Variants in ATG10 observed in about 807,000 individuals in gnomAD.
The protein encoded by ATG10 is ubiquitin-like-conjugating enzyme ATG10.
A neutral mutation model predicts 32.1 loss-of-function variants in ATG10; 30 were observed. That is an observed-to-expected ratio of 0.94 (90% CI 0.70 to 1.27). The LOEUF (loss-of-function observed/expected upper bound fraction) is 1.27. ATG10 is among the 50% of genes most tolerant of loss of function. The pLI is 0.00. For missense variants in ATG10, 233 were observed against 262.3 expected, an observed-to-expected ratio of 0.89 and a Z score of 0.77; for synonymous variants, 87 against 91.5, an observed-to-expected ratio of 0.95 and a Z score of 0.28.
intron 4 of ATG10, among the ~76,000 whole-genome samples, chr5:82,171,996 A>G (rs1743825861): frequency 6.6e-6 from 1 of 152,198 alleles, no homozygotes; most frequent in Admixed American, 6.5e-5. Context: ...AAGGACCATA[A>G]GAGAGGTAAA....
intron 2 of ATG10, among the ~76,000 whole-genome samples, chr5:82,031,280 A>T (rs1235670830): frequency 6.6e-6 from 1 of 152,194 alleles, no homozygotes; most frequent in East Asian, 1.9e-4. Flanking sequence ...GTGTTGAATG[A>T]GCAGTGTTGA....
chr5:82,155,298 A>T (rs114994890), intron 3 of ATG10, among the ~76,000 whole-genome samples: 4,591 of 152,312 alleles, frequency 0.03, 101 homozygotes, highest in Middle Eastern at 0.051. Flanking sequence ...GACAGGAAAA[A>T]AATGGAAAGG....
intron 2 of ATG10, among the ~76,000 whole-genome samples, chr5:82,007,192 G>T (rs368083458): frequency 5.9e-5 from 9 of 152,168 alleles, no homozygotes; most frequent in South Asian, 4.2e-4. Context: ...TACAAATTTT[G>T]ATTTACAATT....
chr5:82,170,802 G>C (rs914880318), intron 4 of ATG10, among the ~76,000 whole-genome samples: 8 of 152,068 alleles, frequency 5.3e-5, no homozygotes, highest in Non-Finnish European at 1.2e-4. Flanking sequence ...AAAAAAAATA[G>C]CTAGGCATGG....
intron 3 of ATG10, among the ~76,000 whole-genome samples, chr5:82,085,867 C>A (rs1450877089): frequency 1.3e-5 from 2 of 151,962 alleles, no homozygotes; most frequent in African/African-American, 4.8e-5. Context: ...CCCTATTAGA[C>A]CCTCAAAATA....
chr5:82,127,857 A>T (rs574697674), intron 3 of ATG10, among the ~76,000 whole-genome samples: 1 of 152,108 alleles, frequency 6.6e-6, no homozygotes, highest in East Asian at 1.9e-4. Flanking sequence ...TGTCTTGTTG[A>T]TCTATCTAAT....
intron 2 of ATG10, among the ~76,000 whole-genome samples, chr5:82,057,635 T>G (rs1763646554): frequency 6.6e-6 from 1 of 152,208 alleles, no homozygotes; most frequent in Non-Finnish European, 1.5e-5. Flanking sequence ...TTTATTGGCA[T>G]GTATGTTTGT....
chr5:82,128,660 G>C (rs561852188), intron 3 of ATG10, among the ~76,000 whole-genome samples: 5 of 144,140 alleles, frequency 3.5e-5, no homozygotes, highest in African/African-American at 1.3e-4. Flanking sequence ...GAGATCCACT[G>C]TTGGGCTTCC....
intron 3 of ATG10, among the ~76,000 whole-genome samples, chr5:82,061,816 AC>A (rs1435014956): frequency 4.7e-5 from 5 of 107,252 alleles, no homozygotes; most frequent in African/African-American, 7.0e-5. Context: ...ATACACACAT[AC>A]CTTTTTTTTT....
chr5:82,004,834 G>A (rs1392523117), intron 2 of ATG10, among the ~76,000 whole-genome samples: 3 of 152,090 alleles, frequency 2.0e-5, no homozygotes, highest in South Asian at 2.1e-4. Context: ...TTGTTGACCC[G>A]TAACAAAGAG....
At position 82,069,026 on chromosome 5, in the gene ATG10, C is replaced by G. The variant is rs1431193261; in HGVS notation, c.216+10424C>G. ...GATCTCACAAAAGATTAAGTAGAAT[C>G]TAAAATTTGAGTTTTCAAAATTATT... On this transcript the variant is annotated intron_variant, in intron 3 of 7. Coordinates refer to ENST00000282185, the MANE Select transcript of ATG10 (RefSeq NM_031482.5). Among the ~76,000 whole-genome samples, 5 of 151,066 alleles carry G rather than the reference C, an allele frequency of 3.3e-5. No homozygotes were observed. In the South Asian group the frequency reaches 1.0e-3, roughly 31 times the overall value.
intron 5 of ATG10, among the ~76,000 whole-genome samples, chr5:82,244,004 T>C (rs1746915530): frequency 6.6e-6 from 1 of 152,086 alleles, no homozygotes; most frequent in Non-Finnish European, 1.5e-5. Context: ...AAGACACATA[T>C]GGTAGGGACT....
chr5:82,151,340 C>T (rs1241199369), intron 3 of ATG10, among the ~76,000 whole-genome samples: 1 of 152,216 alleles, frequency 6.6e-6, no homozygotes. Flanking sequence ...ACATGAGTCA[C>T]TGTGCCCAGC....
At chr5:82,176,349 T>G (rs557659118) in intron 4 of ATG10, among the ~76,000 whole-genome samples, 1 of 152,316 alleles carries the variant, frequency 6.6e-6, no homozygotes, top group East Asian at 1.9e-4. Context: ...CTGCATACTT[T>G]TGGCAGATAC....
intron 2 of ATG10, among the ~76,000 whole-genome samples, chr5:82,026,829 G>A (rs1762607054): frequency 6.6e-6 from 1 of 152,134 alleles, no homozygotes; most frequent in Non-Finnish European, 1.5e-5. Context: ...GGGAGGCCAA[G>A]GTGGGTGGAT....
intron 5 of ATG10, among the ~76,000 whole-genome samples, chr5:82,242,187 G>A (rs1425713846): frequency 6.6e-6 from 1 of 152,060 alleles, no homozygotes; most frequent in African/African-American, 2.4e-5. Context: ...ATAGGAAGAC[G>A]ACTATGGAAA....
At chr5:82,023,866 G>C (rs73768608) in intron 2 of ATG10, among the ~76,000 whole-genome samples, 9,946 of 152,224 alleles carry the variant, frequency 0.065, 1,079 homozygotes, top group African/African-American at 0.23. Flanking sequence ...TAAACCCAGT[G>C]TTTATTTCTT....
At chr5:82,217,887 G>A (rs1459088945) in intron 5 of ATG10, among the ~76,000 whole-genome samples, 1 of 151,968 alleles carries the variant, frequency 6.6e-6, no homozygotes, top group African/African-American at 2.4e-5. Flanking sequence ...TGAGGTAGGA[G>A]GCTCGCTTGA....
At chr5:82,183,696 C>T (rs1300680174) in intron 5 of ATG10, among the ~76,000 whole-genome samples, 1 of 152,092 alleles carries the variant, frequency 6.6e-6, no homozygotes, top group East Asian at 1.9e-4. Flanking sequence ...TCTATAATGA[C>T]AAAGTTTCTC....
Sources: gnomAD v4.1 joint callset for allele counts (sites outside exome capture counted in the v4.1 genomes callset) on GRCh38, gnomAD v4.1.1 for gene constraint, MANE v1.5 for transcripts, NCBI Gene and HGNC (gene_info 2026-07-23, HGNC 2026-07-21) for gene names.